The following DDX10 variants were observed in gnomAD, a reference collection of about 807,000 sequenced individuals.
DDX10 encodes the protein probable ATP-dependent RNA helicase DDX10.
A neutral mutation model predicts 104.3 loss-of-function variants in DDX10; 74 were observed. The observed-to-expected ratio is 0.71, with a 90% CI of 0.59 to 0.86. The LOEUF (loss-of-function observed/expected upper bound fraction) is 0.86, where lower values mean the gene tolerates loss of function less well. Among genes scored for constraint, DDX10 ranks in the 40% least tolerant of loss-of-function variants. The pLI is 0.00. For synonymous variants in DDX10, 351 were observed against 353.4 expected (o/e 0.99, Z 0.08); for missense variants, 952 against 1,040.0 (o/e 0.92, Z 1.16).
intron 16 of DDX10, among the ~76,000 whole-genome samples, chr11:108,857,731 C>T (rs1393473693): frequency 6.6e-6 from 1 of 152,222 alleles, no homozygotes; most frequent in Non-Finnish European, 1.5e-5. Flanking sequence ...TAGGAAATGG[C>T]AGAGCCAGGA....
In DDX10 at chr11:108,782,774, G is replaced by A. The variant is rs542609477; in HGVS notation, c.1966-55672G>A. On this transcript the variant is annotated intron_variant, in intron 13 of 17. Coordinates refer to ENST00000322536, the MANE Select transcript of DDX10 (RefSeq NM_004398.4). ...ATTTAGAGTGTGAGGAGGATTGGGA[G>A]CAAGACTCTTGGGAGTATACATAGA... 2.5e-4 allele frequency among the ~76,000 whole-genome samples: 38 copies of A among 152,172 alleles called. 1 individual carries two copies. In the South Asian group the frequency reaches 7.7e-3, roughly 31 times the overall value.
At chr11:108,737,515 A>C in intron 13 of DDX10, among the ~76,000 whole-genome samples, 1 of 152,216 alleles carries the variant, frequency 6.6e-6, no homozygotes, top group East Asian at 1.9e-4. Context: ...CCGACATGGT[A>C]GTGATTCTTA....
chr11:108,767,633 C>T (rs2094357845), intron 13 of DDX10, among the ~76,000 whole-genome samples: 1 of 152,176 alleles, frequency 6.6e-6, no homozygotes, highest in Admixed American at 6.5e-5. Flanking sequence ...TATCCCTTGT[C>T]CTTTACTTAT....
chr11:108,882,980 T>G (rs1184333348), intron 16 of DDX10, among the ~76,000 whole-genome samples: 1 of 152,222 alleles, frequency 6.6e-6, no homozygotes, highest in Non-Finnish European at 1.5e-5. Context: ...TCTTTTTTGC[T>G]CCTATCATTT....
At chr11:108,782,376 T>C (rs1861717868) in intron 13 of DDX10, among the ~76,000 whole-genome samples, 1 of 152,186 alleles carries the variant, frequency 6.6e-6, no homozygotes. Context: ...ATCCCTATGA[T>C]AGGTTTTCCT....
chr11:108,841,577 A>G (rs1163169652), intron 15 of DDX10, 101 bp downstream of exon 15: 1 of 1,107,830 alleles, frequency 9.0e-7, no homozygotes, highest in South Asian at 1.8e-5. Context: ...TATTTTCTTC[A>G]TTGTTTTCTC....
At chr11:108,908,053 C>A (rs1160851854) in intron 16 of DDX10, among the ~76,000 whole-genome samples, 1 of 152,152 alleles carries the variant, frequency 6.6e-6, no homozygotes, top group Non-Finnish European at 1.5e-5. Context: ...TACTCACTTT[C>A]AGTAATGCAT....
intron 9 of DDX10, among the ~76,000 whole-genome samples, chr11:108,699,676 C>G (rs2094264695): frequency 6.6e-6 from 1 of 152,190 alleles, no homozygotes; most frequent in Admixed American, 6.5e-5. Context: ...CATGTCAGTT[C>G]TGTTCCTTGT....
rs1565258758 is a variant in DDX10, at chr11:108,723,243, G to C, written c.1746G>C (p.Gln582His). 6.2e-7 allele frequency: 1 copy of C among 1,613,222 alleles called. No homozygotes were observed. Among genetic ancestry groups the C allele is most frequent in the African/African-American group, 1.3e-5 (1 of 74,870 alleles). ...RQDNDTGNEE[Q>H]EEEEDDEEEM... ...ATAATGATACTGGTAATGAAGAACA[G>C]GAAGAAGAAGAAGACGATGAAGAAG... The change falls in exon 13 of 18, where the codon CAG becomes CAC. Residue 582 changes from glutamine (Q) to histidine (H), a missense_variant. Around this residue, in one of 3 missense-constraint regions of DDX10, gnomAD observed 533 missense variants for 534.1 expected, o/e 1.00. Coordinates refer to ENST00000322536, the MANE Select transcript of DDX10 (RefSeq NM_004398.4).
intron 13 of DDX10, among the ~76,000 whole-genome samples, chr11:108,782,462 G>C (rs1348338147): frequency 1.3e-5 from 2 of 151,956 alleles, no homozygotes; most frequent in Non-Finnish European, 2.9e-5. Flanking sequence ...ATCCCTTTCT[G>C]CATGCTTCTG....
chr11:108,711,597 T>C (rs1320391437), intron 10 of DDX10, among the ~76,000 whole-genome samples: 5 of 152,238 alleles, frequency 3.3e-5, no homozygotes, highest in African/African-American at 1.2e-4. Context: ...CCTCCCAAAG[T>C]ACTGAGATTA....
chr11:108,897,583 A>G (rs1427358318), intron 16 of DDX10, among the ~76,000 whole-genome samples: 3 of 152,268 alleles, frequency 2.0e-5, no homozygotes, highest in Non-Finnish European at 2.9e-5. Context: ...TTTAACTGCT[A>G]GACTACAAGA....
At chr11:108,871,657 G>C (rs1401606725) in intron 16 of DDX10, among the ~76,000 whole-genome samples, 1 of 152,192 alleles carries the variant, frequency 6.6e-6, no homozygotes, top group Non-Finnish European at 1.5e-5. Flanking sequence ...GGCTGGGCGC[G>C]TTGGCTCACG....
At chr11:108,913,277 C>G (rs1351314127) in intron 16 of DDX10, among the ~76,000 whole-genome samples, 2 of 152,066 alleles carry the variant, frequency 1.3e-5, no homozygotes, top group Non-Finnish European at 2.9e-5. Flanking sequence ...GGCAGGACAA[C>G]TCGAAGCAGG....
At chr11:108,734,463 TG>T (rs904972053) in intron 13 of DDX10, among the ~76,000 whole-genome samples, 10 of 152,186 alleles carry the variant, frequency 6.6e-5, no homozygotes, top group Non-Finnish European at 1.3e-4. Flanking sequence ...TATATTGAGT[TG>T]CTTTATGTAT....
chr11:108,884,207 T>C (rs1453132390), intron 16 of DDX10, among the ~76,000 whole-genome samples: 1 of 152,198 alleles, frequency 6.6e-6, no homozygotes, highest in East Asian at 1.9e-4. Context: ...CATATCTTCA[T>C]CCTGATTTCT....
At chr11:108,860,213 G>A (rs1379098035) in intron 16 of DDX10, among the ~76,000 whole-genome samples, 1 of 152,118 alleles carries the variant, frequency 6.6e-6, no homozygotes, top group Non-Finnish European at 1.5e-5. Context: ...CAGTGAATAA[G>A]TTATCTATAC....
intron 13 of DDX10, among the ~76,000 whole-genome samples, chr11:108,738,840 A>G (rs1468605738): frequency 2.6e-5 from 4 of 152,138 alleles, no homozygotes; most frequent in Non-Finnish European, 4.4e-5. Flanking sequence ...ATGGCACAGC[A>G]GGCAGTATGA....
At chr11:108,877,949 CTTT>C (rs1863174560) in intron 16 of DDX10, among the ~76,000 whole-genome samples, 1 of 152,294 alleles carries the variant, frequency 6.6e-6, no homozygotes, top group African/African-American at 2.4e-5. Flanking sequence ...GCAAATGTGT[CTTT>C]TTCCTTTTCT....
Sources: allele counts gnomAD v4.1 joint callset (sites outside exome capture counted in the v4.1 genomes callset), GRCh38; gene constraint gnomAD v4.1.1; regional missense constraint gnomAD v4.1.1; transcripts MANE v1.5; gene names NCBI Gene and HGNC (gene_info 2026-07-23, HGNC 2026-07-21).